CCDC178: variants seen among roughly 807,000 people sequenced by gnomAD.
CCDC178 encodes coiled-coil domain-containing protein 178.
CCDC178 carries 126 observed loss-of-function variants against 117.4 expected under a neutral mutation model. That is an observed-to-expected ratio of 1.07 (90% CI 0.93 to 1.24). The LOEUF (loss-of-function observed/expected upper bound fraction) is 1.24, where lower values mean the gene tolerates loss of function less well. Ranked by LOEUF, CCDC178 falls within the 50% of genes most tolerant of loss-of-function variation. The pLI, the probability that CCDC178 is intolerant of heterozygous loss-of-function variation, is 0.00. For synonymous variants in CCDC178, 283 were observed against 313.4 expected, an observed-to-expected ratio of 0.90 and a Z score of 1.02; for missense variants, 1,030 against 986.9, an observed-to-expected ratio of 1.04 and a Z score of -0.59.
chr18:33,261,772 G>A (rs1205768873), intron 14 of CCDC178, among the ~76,000 whole-genome samples: 1 of 152,004 alleles, frequency 6.6e-6, no homozygotes, highest in Non-Finnish European at 1.5e-5. Flanking sequence ...TAGGAGTTTA[G>A]TTACAACTGC....
chr18:33,150,614 A>T (rs1213315707), intron 20 of CCDC178, among the ~76,000 whole-genome samples: 1 of 152,178 alleles, frequency 6.6e-6, no homozygotes, highest in Non-Finnish European at 1.5e-5. Context: ...CAACAAACAT[A>T]TGAAAAAATG....
At chr18:33,145,331 A>T (rs2058254616) in intron 20 of CCDC178, among the ~76,000 whole-genome samples, 1 of 152,092 alleles carries the variant, frequency 6.6e-6, no homozygotes, top group Non-Finnish European at 1.5e-5. Context: ...TTTTAAAAAG[A>T]GTTTGAATTT....
intron 21 of CCDC178, among the ~76,000 whole-genome samples, chr18:32,980,324 C>T (rs1020302167): frequency 1.8e-4 from 28 of 152,046 alleles, no homozygotes; most frequent in Non-Finnish European, 3.5e-4. Flanking sequence ...TGGCTCACGC[C>T]TGTAATCCCA....
At chr18:33,214,486 C>T (rs891013270) in intron 19 of CCDC178, among the ~76,000 whole-genome samples, 3 of 151,850 alleles carry the variant, frequency 2.0e-5, no homozygotes, top group Admixed American at 6.6e-5. Flanking sequence ...AGGATTGAAA[C>T]GGGAGGAAGC....
intron 21 of CCDC178, among the ~76,000 whole-genome samples, chr18:32,977,675 G>C (rs2055056109): frequency 6.6e-6 from 1 of 152,090 alleles, no homozygotes; most frequent in African/African-American, 2.4e-5. Flanking sequence ...TTACTGAGTG[G>C]AATCAGATAT....
rs1208693216 is a variant in CCDC178 at position 33,096,381 on chromosome 18, TA to T, written c.2239-3472del. ...AAATATAAAATTTTTATATTTTATA[TA>T]AAAATATAAAAATATAAAAAATATA... On this transcript the variant is annotated intron_variant, in intron 20 of 22. Transcript: ENST00000383096. Among the ~76,000 whole-genome samples the T allele has an allele frequency of 2.9e-5, 4 of 136,754 alleles. No homozygotes were observed. In the South Asian group the frequency reaches 6.4e-4, roughly 22 times the overall value. 89.7% of individuals were successfully genotyped at this position (136,754 alleles called of 152,430 possible).
intron 20 of CCDC178, among the ~76,000 whole-genome samples, chr18:33,134,701 T>C (rs1298915311): frequency 6.6e-6 from 1 of 152,092 alleles, no homozygotes; most frequent in Non-Finnish European, 1.5e-5. Context: ...TTCCTTCTAA[T>C]ATTTATTAAA....
At chr18:33,129,965 A>G (rs16964291) in intron 20 of CCDC178, among the ~76,000 whole-genome samples, 4,416 of 152,046 alleles carry the variant, frequency 0.029, 218 homozygotes, top group African/African-American at 0.1. Context: ...AAAATATTTT[A>G]GCTATTTGCA....
At chr18:33,196,784 T>C (rs989991916) in intron 20 of CCDC178, among the ~76,000 whole-genome samples, 1 of 152,156 alleles carries the variant, frequency 6.6e-6, no homozygotes, top group Non-Finnish European at 1.5e-5. Context: ...TCTCCCATCA[T>C]AGAGGTAATA....
intron 21 of CCDC178, among the ~76,000 whole-genome samples, chr18:32,986,275 A>T (rs1317148477): frequency 1.3e-5 from 2 of 152,110 alleles, no homozygotes; most frequent in African/African-American, 2.4e-5. Flanking sequence ...AATAGTGAGT[A>T]GCCACCAATT....
chr18:33,069,233 G>A (rs1291912325), intron 21 of CCDC178, among the ~76,000 whole-genome samples: 1 of 152,056 alleles, frequency 6.6e-6, no homozygotes, highest in East Asian at 1.9e-4. Flanking sequence ...GCAATCCTGA[G>A]TGAAAAGAAC....
chr18:33,050,675 A>G (rs1242929603), intron 21 of CCDC178, among the ~76,000 whole-genome samples: 1 of 152,172 alleles, frequency 6.6e-6, no homozygotes, highest in Admixed American at 6.5e-5. Context: ...TGGATTAAGG[A>G]GCTAGTGCAT....
intron 14 of CCDC178, among the ~76,000 whole-genome samples, chr18:33,252,892 G>T (rs969004510): frequency 1.3e-5 from 2 of 151,654 alleles, no homozygotes; most frequent in Admixed American, 1.3e-4. Flanking sequence ...ATTTTACAGA[G>T]CTTGAATGTA....
intron 2 of CCDC178, among the ~76,000 whole-genome samples, chr18:33,423,766 C>T (rs181840727): frequency 5.3e-5 from 8 of 152,176 alleles, no homozygotes; most frequent in Admixed American, 3.9e-4. Flanking sequence ...AAAAAGCATT[C>T]GTTGGGATCA....
chr18:33,261,115 G>T (rs932035151), intron 14 of CCDC178, among the ~76,000 whole-genome samples: 1 of 149,156 alleles, frequency 6.7e-6, no homozygotes, highest in African/African-American at 2.5e-5. Context: ...ACACAGTCTC[G>T]CTCTGTCGCC....
chr18:33,388,672 A>G (rs1218367557), intron 5 of CCDC178, among the ~76,000 whole-genome samples: 25 of 149,784 alleles, frequency 1.7e-4, no homozygotes, highest in Admixed American at 1.1e-3. Flanking sequence ...GGCGCCCGCC[A>G]CTACGCCCGG....
intron 20 of CCDC178, among the ~76,000 whole-genome samples, chr18:33,197,459 TG>T (rs900569302): frequency 1.3e-5 from 2 of 152,024 alleles, no homozygotes; most frequent in African/African-American, 4.8e-5. Context: ...AGTGGGGTAG[TG>T]GGGGTTAGTA....
At chr18:33,129,954 T>C (rs575741851) in intron 20 of CCDC178, among the ~76,000 whole-genome samples, 4 of 152,102 alleles carry the variant, frequency 2.6e-5, no homozygotes, top group African/African-American at 9.6e-5. Context: ...AATGTTCTTG[T>C]AAAATATTTT....
chr18:33,141,188 T>C (rs781019198), intron 20 of CCDC178, among the ~76,000 whole-genome samples: 2 of 152,116 alleles, frequency 1.3e-5, no homozygotes, highest in Admixed American at 6.5e-5. Flanking sequence ...AACAGACTAA[T>C]ACATCCAGAA....
Sources: allele counts gnomAD v4.1 joint callset (sites outside exome capture counted in the v4.1 genomes callset), GRCh38; gene constraint gnomAD v4.1.1; transcripts MANE v1.5; gene names NCBI Gene and HGNC (gene_info 2026-07-23, HGNC 2026-07-21).